FHIT: variants seen among roughly 807,000 people sequenced by gnomAD.
FHIT encodes fragile histidine triad diadenosine triphosphatase.
Under a neutral mutation model 17.9 loss-of-function variants are expected in FHIT, and 19 were observed. That is an observed-to-expected ratio of 1.06 (90% confidence interval 0.74 to 1.56). FHIT has a LOEUF of 1.56. Among genes scored for constraint, FHIT ranks in the 40% most tolerant of loss-of-function variants. FHIT has a pLI of 0.00. For synonymous variants in FHIT, 81 were observed against 69.7 expected (o/e 1.16, Z -0.81); for missense variants, 248 against 189.2 (o/e 1.31, Z -1.82).
At chr3:59,829,317 A>C (rs1701084047) in intron 8 of FHIT, among the ~76,000 whole-genome samples, 1 of 152,216 alleles carries the variant, frequency 6.6e-6, no homozygotes, top group African/African-American at 2.4e-5. Flanking sequence ...GTTTTAGTTA[A>C]GGGAGGTTAA....
At chr3:59,909,999 C>T (rs957954793) in intron 8 of FHIT, among the ~76,000 whole-genome samples, 1 of 152,184 alleles carries the variant, frequency 6.6e-6, no homozygotes, top group Non-Finnish European at 1.5e-5. Flanking sequence ...CCACTCTTTC[C>T]ATTCAATATT....
chr3:59,944,676 C>T (rs139864187), intron 7 of FHIT, among the ~76,000 whole-genome samples: 2 of 152,194 alleles, frequency 1.3e-5, no homozygotes, highest in East Asian at 3.9e-4. Flanking sequence ...CTCCCTTCAC[C>T]CACCTTCTAC....
At chr3:60,052,110 T>C (rs1264240280) in intron 5 of FHIT, among the ~76,000 whole-genome samples, 1 of 152,048 alleles carries the variant, frequency 6.6e-6, no homozygotes, top group East Asian at 1.9e-4. Context: ...TTTTTAGGAG[T>C]GGCTTTCCCT....
At chr3:60,634,466 A>C in intron 4 of FHIT, among the ~76,000 whole-genome samples, 1 of 152,378 alleles carries the variant, frequency 6.6e-6, no homozygotes, top group South Asian at 2.1e-4. Context: ...ATCAAAGGAC[A>C]GTAACAGCCC....
intron 8 of FHIT, among the ~76,000 whole-genome samples, chr3:59,918,827 C>A (rs1363576382): frequency 1.3e-5 from 2 of 152,086 alleles, no homozygotes; most frequent in African/African-American, 4.8e-5. Flanking sequence ...ACTTTACAGT[C>A]ACAATAAAGC....
At chr3:61,089,020 C>T (rs1489449376) in intron 2 of FHIT, among the ~76,000 whole-genome samples, 1 of 152,144 alleles carries the variant, frequency 6.6e-6, no homozygotes, top group East Asian at 1.9e-4. Flanking sequence ...TTACTGACAT[C>T]AGTATATATT....
In FHIT at chr3:60,201,817, C is replaced by A. The variant is rs1024054806; in HGVS notation, c.104-187665G>T. On this transcript the variant is annotated intron_variant, in intron 5 of 9. Transcript: ENST00000492590. ...TTTTCCTCAAACATCCTAACTAGACCCCAGTTAAACTTCTTTTGGAGTCTC... is the reference window on the plus strand; with the variant it reads ...TTTTCCTCAAACATCCTAACTAGACACCAGTTAAACTTCTTTTGGAGTCTC... Among the ~76,000 whole-genome samples, 5 of 149,002 alleles carry A rather than the reference C, an allele frequency of 3.4e-5. No homozygotes were observed. The South Asian group carries it at 6.5e-4, about 19-fold the overall frequency.
At chr3:59,817,849 C>G (rs1465139352) in intron 8 of FHIT, among the ~76,000 whole-genome samples, 1 of 152,072 alleles carries the variant, frequency 6.6e-6, no homozygotes, top group Non-Finnish European at 1.5e-5. Flanking sequence ...CTGCAGAACA[C>G]TTTCAGAGAT....
chr3:61,198,514 C>T (rs62267451), intron 2 of FHIT, among the ~76,000 whole-genome samples: 15,485 of 138,050 alleles, frequency 0.11, 861 homozygotes, highest in Non-Finnish European at 0.13. Context: ...AAAACATACA[C>T]GACAGAAAAA....
chr3:60,379,550 T>G (rs1050104082), intron 5 of FHIT, among the ~76,000 whole-genome samples: 4 of 152,228 alleles, frequency 2.6e-5, no homozygotes, highest in Non-Finnish European at 5.9e-5. Flanking sequence ...CATTGAGTAC[T>G]GTTGGTTCAA....
At chr3:60,490,085 C>A (rs1430727044) in intron 5 of FHIT, among the ~76,000 whole-genome samples, 2 of 152,146 alleles carry the variant, frequency 1.3e-5, no homozygotes, top group African/African-American at 4.8e-5. Context: ...CGGAATTAAA[C>A]AAATCAACAC....
chr3:61,187,050 G>A (rs774807263), intron 2 of FHIT, among the ~76,000 whole-genome samples: 4 of 152,000 alleles, frequency 2.6e-5, no homozygotes, highest in East Asian at 3.9e-4. Context: ...TAATCTGCCC[G>A]ACCCATGTTC....
intron 8 of FHIT, among the ~76,000 whole-genome samples, chr3:59,843,499 C>T (rs1397041573): frequency 1.3e-5 from 2 of 152,068 alleles, no homozygotes; most frequent in African/African-American, 2.4e-5. Flanking sequence ...GTCTATAGAT[C>T]GCTTTGTATA....
At chr3:60,128,061 G>A (rs914371818) in intron 5 of FHIT, among the ~76,000 whole-genome samples, 1 of 152,192 alleles carries the variant, frequency 6.6e-6, no homozygotes, top group Non-Finnish European at 1.5e-5. Context: ...TACAAGTGCA[G>A]AGTAACTTGA....
At chr3:60,288,565 C>G (rs565285875) in intron 5 of FHIT, among the ~76,000 whole-genome samples, 1 of 120,464 alleles carries the variant, frequency 8.3e-6, no homozygotes, top group African/African-American at 3.5e-5. Flanking sequence ...GGTTCTGGCA[C>G]AGTGTGTGTG....
At chr3:59,947,555 G>T (rs1706875859) in intron 7 of FHIT, among the ~76,000 whole-genome samples, 2 of 152,114 alleles carry the variant, frequency 1.3e-5, no homozygotes. Context: ...TTTGATTATG[G>T]TATAAGAGGT....
intron 8 of FHIT, among the ~76,000 whole-genome samples, chr3:59,876,810 C>T (rs981860713): frequency 3.3e-5 from 5 of 152,200 alleles, no homozygotes; most frequent in Non-Finnish European, 7.3e-5. Flanking sequence ...TGAGAGGAAG[C>T]TACCCTTTTT....
At chr3:60,438,102 A>T (rs2107318789) in intron 5 of FHIT, among the ~76,000 whole-genome samples, 1 of 152,160 alleles carries the variant, frequency 6.6e-6, no homozygotes, top group Admixed American at 6.6e-5. Context: ...CAACTGTGGC[A>T]ACCGTACAGT....
intron 3 of FHIT, among the ~76,000 whole-genome samples, chr3:60,841,319 A>G (rs1020714353): frequency 1.2e-4 from 19 of 152,222 alleles, no homozygotes; most frequent in African/African-American, 4.1e-4. Context: ...ATTAGAACCC[A>G]TCCTTGTTGT....
Sources: allele counts gnomAD v4.1 joint callset (sites outside exome capture counted in the v4.1 genomes callset), GRCh38; gene constraint gnomAD v4.1.1; transcripts MANE v1.5; gene names NCBI Gene and HGNC (gene_info 2026-07-23, HGNC 2026-07-21).